The following MOV10L1 variants were observed in gnomAD, a reference collection of about 807,000 sequenced individuals.
MOV10L1 encodes Mov10 like RNA helicase 1, also known as RNA helicase Mov10l1.
Under a neutral mutation model 143.8 loss-of-function variants are expected in MOV10L1, and 110 were observed. That is an observed-to-expected ratio of 0.76 (90% CI 0.66 to 0.90). The LOEUF (loss-of-function observed/expected upper bound fraction) is 0.90, where lower values mean the gene tolerates loss of function less well. Among genes scored for constraint, MOV10L1 ranks in the 40% least tolerant of loss-of-function variants. The pLI, the probability that MOV10L1 is intolerant of heterozygous loss-of-function variation, is 0.00. For synonymous variants in MOV10L1, 593 were observed against 581.1 expected (o/e 1.02, Z -0.29); for missense variants, 1,406 against 1,526.8 (o/e 0.92, Z 1.32).
chr22:50,115,474 A>G (rs879881375), intron 8 of MOV10L1, among the ~76,000 whole-genome samples: 106 of 152,252 alleles, frequency 7.0e-4, no homozygotes, highest in African/African-American at 2.3e-3. Flanking sequence ...AATCGCTTAA[A>G]TCCAGGTGAC....
intron 10 of MOV10L1, among the ~76,000 whole-genome samples, chr22:50,124,270 A>G (rs542570795): frequency 6.6e-5 from 10 of 152,180 alleles, no homozygotes; most frequent in Non-Finnish European, 1.5e-4. Context: ...TGCTGCTCCC[A>G]TAAGTCTTGC....
At chr22:50,107,547 A>G (rs2061906406) in intron 3 of MOV10L1, among the ~76,000 whole-genome samples, 1 of 151,916 alleles carries the variant, frequency 6.6e-6, no homozygotes, top group Non-Finnish European at 1.5e-5. Context: ...GATTTTAACT[A>G]CCTGTACCAT....
chr22:50,106,118 C>T (rs904855212), intron 3 of MOV10L1, among the ~76,000 whole-genome samples: 1 of 152,110 alleles, frequency 6.6e-6, no homozygotes, highest in African/African-American at 2.4e-5. Context: ...AAATATTTCT[C>T]CTTCAATAGA....
chr22:50,118,182 A>T (rs182661817), intron 9 of MOV10L1, among the ~76,000 whole-genome samples: 1 of 152,180 alleles, frequency 6.6e-6, no homozygotes, highest in South Asian at 2.1e-4. Context: ...ACCTGTTACC[A>T]GGGAAGAATA....
chr22:50,123,810 A>G (rs1395906131), intron 10 of MOV10L1, among the ~76,000 whole-genome samples: 1 of 152,180 alleles, frequency 6.6e-6, no homozygotes, highest in African/African-American at 2.4e-5. Context: ...CAGAATATTT[A>G]TTACTGCTTT....
At position 50,160,963 on chromosome 22, in the gene MOV10L1, G is replaced by C; in HGVS notation, c.3463-1G>C. On this transcript the variant is annotated splice_acceptor_variant, in intron 25 of 26. Coordinates refer to ENST00000262794, the MANE Select transcript of MOV10L1 (RefSeq NM_018995.3). LOFTEE classifies it high-confidence loss of function. ...ACCAGGCTAATTGTTATTGCCAACA[G>C]GACCCCTGTTTTGGTGCTTTGCTGG... 6.2e-7 allele frequency: 1 copy of C among 1,614,128 alleles called. No individual in the cohort carries two copies. Among genetic ancestry groups the C allele is most frequent in the Non-Finnish European group, 8.5e-7 (1 of 1,180,004 alleles).
At chr22:50,141,179 T>G (rs770127603) in intron 15 of MOV10L1, among the ~76,000 whole-genome samples, 16 of 151,950 alleles carry the variant, frequency 1.1e-4, no homozygotes, top group Non-Finnish European at 2.4e-4. Context: ...GCCTCCCGAG[T>G]AGCTGGTGGC....
intron 15 of MOV10L1, among the ~76,000 whole-genome samples, chr22:50,138,355 G>C (rs1023111238): frequency 3.3e-5 from 5 of 152,076 alleles, no homozygotes; most frequent in African/African-American, 1.2e-4. Context: ...AAATCACTGA[G>C]AACAGCCTGG....
chr22:50,119,915 G>A (rs901455699), intron 9 of MOV10L1, among the ~76,000 whole-genome samples: 24 of 151,942 alleles, frequency 1.6e-4, no homozygotes, highest in Admixed American at 1.4e-3. Context: ...CTGACTTTTC[G>A]TTTCCCTGTT....
At chr22:50,095,795 AG>A (rs1396509088) in intron 2 of MOV10L1, 2 of 152,016 alleles carry the variant, frequency 1.3e-5, no homozygotes, top group African/African-American at 4.8e-5. Context: ...TAAGGAATGC[AG>A]GACCTTTTTT....
chr22:50,151,503 T>C (rs2063295913), intron 21 of MOV10L1, among the ~76,000 whole-genome samples: 1 of 152,180 alleles, frequency 6.6e-6, no homozygotes, highest in Admixed American at 6.5e-5. Context: ...ACCCCATTCT[T>C]GGTTGTCAAG....
intron 19 of MOV10L1, among the ~76,000 whole-genome samples, chr22:50,148,479 C>T (rs901372687): frequency 2.6e-5 from 4 of 152,150 alleles, no homozygotes; most frequent in African/African-American, 4.8e-5. Flanking sequence ...ATCCCCACCC[C>T]GTCCATCAGC....
intron 16 of MOV10L1, 36 bp downstream of exon 16, chr22:50,142,225 C>T: frequency 6.5e-7 from 1 of 1,540,790 alleles, no homozygotes; most frequent in South Asian, 1.2e-5. Flanking sequence ...AAGAGCAACT[C>T]TGAGACTGTC....
In MOV10L1 at chr22:50,106,124, A is replaced by G. The variant is rs573194566; in HGVS notation, c.443-2012A>G. 1.8e-4 allele frequency among the ~76,000 whole-genome samples: 27 copies of G among 152,246 alleles called. No individual in the cohort carries two copies. In the South Asian group the frequency reaches 4.8e-3, roughly 27 times the overall value. Reference sequence around the variant, plus strand: ...CATAATGTCAAATATTTCTCCTTCAATAGAAAGGTCTTCTGAAATCTTTAC... The same window carrying G: ...CATAATGTCAAATATTTCTCCTTCAGTAGAAAGGTCTTCTGAAATCTTTAC... On this transcript the variant is annotated intron_variant, in intron 3 of 26. Transcript: ENST00000262794.
chr22:50,144,597 T>C (rs913003027), intron 18 of MOV10L1, among the ~76,000 whole-genome samples: 6 of 152,162 alleles, frequency 3.9e-5, no homozygotes, highest in African/African-American at 1.4e-4. Flanking sequence ...GTTTTTTTTT[T>C]TTGAGACGGA....
intron 24 of MOV10L1, 89 bp from the exon 25 acceptor site, chr22:50,160,599 T>C (rs1430738657): frequency 1.4e-6 from 2 of 1,473,148 alleles, no homozygotes; most frequent in East Asian, 4.6e-5. Flanking sequence ...CTATTTAACA[T>C]TTTTAAATGT....
At chr22:50,153,658 G>A (rs975979520) in intron 22 of MOV10L1, among the ~76,000 whole-genome samples, 6 of 152,218 alleles carry the variant, frequency 3.9e-5, no homozygotes, top group Non-Finnish European at 7.3e-5. Context: ...CAGCAGCTGC[G>A]ATCCCGAGCC....
chr22:50,127,411 A>G (rs1351422771), intron 12 of MOV10L1, among the ~76,000 whole-genome samples: 1 of 152,232 alleles, frequency 6.6e-6, no homozygotes, highest in African/African-American at 2.4e-5. Flanking sequence ...CCTGTTCTCA[A>G]GTAGACTAAC....
chr22:50,135,464 ACTT>A (rs926373604), intron 15 of MOV10L1, among the ~76,000 whole-genome samples: 4 of 151,810 alleles, frequency 2.6e-5, no homozygotes, highest in African/African-American at 9.7e-5. Context: ...TTTTATAAAA[ACTT>A]CTAGGCCGGT....
Sources: gnomAD v4.1 joint callset for allele counts (sites outside exome capture counted in the v4.1 genomes callset) on GRCh38, gnomAD v4.1.1 for gene constraint, MANE v1.5 for transcripts, NCBI Gene and HGNC (gene_info 2026-07-23, HGNC 2026-07-21) for gene names.